Variants in SCGN observed in about 807,000 individuals in gnomAD.
SCGN encodes secretagogin.
Under a neutral mutation model 39.7 loss-of-function variants are expected in SCGN, and 30 were observed. That is an observed-to-expected ratio of 0.76 (90% CI 0.57 to 1.03). The LOEUF (loss-of-function observed/expected upper bound fraction) is 1.03. Among genes scored for constraint, SCGN ranks in the 50% least tolerant of loss-of-function variants. The probability of loss-of-function intolerance (pLI) is 0.00; values close to 1 mark genes in which losing one functional copy is unlikely to be tolerated. For missense variants in SCGN, 353 were observed against 349.4 expected (o/e 1.01, Z -0.08); for synonymous variants, 106 against 114.1 (o/e 0.93, Z 0.45).
chr6:25,666,217 A>G (rs1419303393), intron 4 of SCGN, among the ~76,000 whole-genome samples: 2 of 150,684 alleles, frequency 1.3e-5, no homozygotes, highest in African/African-American at 4.9e-5. Context: ...CTAGCCGGGC[A>G]TGGTGGTGGG....
intron 2 of SCGN, among the ~76,000 whole-genome samples, chr6:25,659,472 G>A (rs758414279): frequency 6.6e-6 from 1 of 152,074 alleles, no homozygotes; most frequent in Non-Finnish European, 1.5e-5. Context: ...CACCCTTCTG[G>A]CCTGTTTTCT....
intron 6 of SCGN, among the ~76,000 whole-genome samples, chr6:25,673,310 C>A (rs190126447): frequency 1.3e-3 from 199 of 152,288 alleles, no homozygotes; most frequent in Middle Eastern, 6.8e-3. Context: ...TTCCCCTCCC[C>A]CTTAAACCAG....
chr6:25,695,439 G>A (rs1348286206), intron 10 of SCGN, among the ~76,000 whole-genome samples: 1 of 151,890 alleles, frequency 6.6e-6, no homozygotes, highest in Non-Finnish European at 1.5e-5. Context: ...TTATGTCAAG[G>A]GCACTTAACA....
chr6:25,680,183 G>A (rs1428486129), intron 6 of SCGN, among the ~76,000 whole-genome samples: 2 of 152,110 alleles, frequency 1.3e-5, no homozygotes, highest in African/African-American at 2.4e-5. Flanking sequence ...AATATGCCAA[G>A]CATTCAAAAT....
At position 25,661,541 on chromosome 6, in the gene SCGN, G is replaced by T; in HGVS notation, c.154-11G>T. 6.2e-7 allele frequency: 1 copy of T among 1,605,308 alleles called. No homozygotes were observed. The highest frequency in any genetic ancestry group is 8.5e-7 in the Non-Finnish European group (1 of 1,172,574). On this transcript the variant is annotated splice_polypyrimidine_tract_variant and intron_variant, in intron 2 of 10. Transcript: ENST00000377961. ...AGTGGCTTTAATGTGGCTCTGTTTG[G>T]TCAATTGCAGGACACGGTCATGAAA...
chr6:25,696,999 G>A (rs1050276033), intron 10 of SCGN, among the ~76,000 whole-genome samples: 1 of 152,172 alleles, frequency 6.6e-6, no homozygotes, highest in African/African-American at 2.4e-5. Flanking sequence ...GGAAACTAGC[G>A]ATGGGAAGAA....
intron 10 of SCGN, among the ~76,000 whole-genome samples, chr6:25,694,197 T>C (rs1759810450): frequency 1.3e-5 from 2 of 152,210 alleles, no homozygotes; most frequent in African/African-American, 2.4e-5. Flanking sequence ...TTTTGCTGGA[T>C]CCCTTCTTAA....
intron 6 of SCGN, among the ~76,000 whole-genome samples, chr6:25,674,835 T>C (rs1411183593): frequency 6.6e-6 from 1 of 152,150 alleles, no homozygotes; most frequent in Non-Finnish European, 1.5e-5. Context: ...TGATACTGAA[T>C]TTAGAGGTGC....
At chr6:25,699,497 GGA>G (rs1353562448) in intron 10 of SCGN, among the ~76,000 whole-genome samples, 2 of 151,208 alleles carry the variant, frequency 1.3e-5, no homozygotes, top group Admixed American at 1.3e-4. Context: ...GGGTGAGGCT[GGA>G]GAGTTGCTTG....
At chr6:25,665,296 TAC>T (rs1760406626) in intron 4 of SCGN, among the ~76,000 whole-genome samples, 1 of 151,932 alleles carries the variant, frequency 6.6e-6, no homozygotes, top group Admixed American at 6.6e-5. Context: ...GCCAGGCAGG[TAC>T]ACTGAAGAAT....
At chr6:25,679,843 C>T (rs1457906329) in intron 6 of SCGN, among the ~76,000 whole-genome samples, 1 of 152,166 alleles carries the variant, frequency 6.6e-6, no homozygotes, top group Non-Finnish European at 1.5e-5. Flanking sequence ...TATCACATCT[C>T]TGGCATAGTC....
At chr6:25,657,205 C>T (rs555018516) in intron 2 of SCGN, among the ~76,000 whole-genome samples, 4 of 152,252 alleles carry the variant, frequency 2.6e-5, no homozygotes, top group South Asian at 2.1e-4. Context: ...AACCTGTTCA[C>T]CTTCCACAGA....
intron 2 of SCGN, among the ~76,000 whole-genome samples, chr6:25,655,665 A>ATT (rs75709648): frequency 1.3e-5 from 2 of 151,652 alleles, no homozygotes; most frequent in South Asian, 2.1e-4. Flanking sequence ...TGAGAATTAT[A>ATT]TTTTTTTGTT....
chr6:25,673,429 C>A (rs1164811831), intron 6 of SCGN, among the ~76,000 whole-genome samples: 1 of 152,170 alleles, frequency 6.6e-6, no homozygotes, highest in Non-Finnish European at 1.5e-5. Flanking sequence ...CCCTTCACAG[C>A]CTTCAGGCTT....
rs9467565 is a variant in SCGN at position 25,689,630 on chromosome 6, A to G, written c.633+98A>G. 6.7e-4 allele frequency: 623 copies of G among 934,080 alleles called. 5 individuals carry two copies. In the African/African-American group the frequency reaches 8.2e-3, roughly 12 times the overall value. 57.9% of individuals were successfully genotyped at this position (934,080 alleles called of 1,614,324 possible). ...CTTACCCAACAGACCCTAAACTTAC[A>G]TGATGAATACCAATCCCATCTGTGT... On this transcript the variant is annotated intron_variant, in intron 9 of 10. Coordinates refer to ENST00000377961, the MANE Select transcript of SCGN (RefSeq NM_006998.4).
chr6:25,669,518 G>T lies in SCGN; in HGVS notation c.344G>T (p.Arg115Leu), dbSNP rs1480236886. ...GACTTTTGTGTATTTCAGATTTGGCGCAAATATGACGCTGACAGCAGTGGC... is the reference window on the plus strand; with the variant it reads ...GACTTTTGTGTATTTCAGATTTGGCTCAAATATGACGCTGACAGCAGTGGC... Reference protein sequence around the residue: ...DSSVEFMQIWRKYDADSSGFI... With the variant: ...DSSVEFMQIWLKYDADSSGFI... The change falls in exon 5 of 11, where the codon CGC (arginine) becomes CTC (leucine). Residue 115 changes from arginine (R) to leucine (L), a missense_variant. Arg to Leu is a moderately radical substitution (Grantham distance 102). Transcript: ENST00000377961. The T allele has an allele frequency of 1.4e-5, 22 of 1,612,784 alleles. No individual in the cohort carries two copies. Among genetic ancestry groups the T allele is most frequent in the Non-Finnish European group, 1.8e-5 (21 of 1,179,080 alleles).
chr6:25,669,008 G>T (rs1759448212), intron 4 of SCGN, among the ~76,000 whole-genome samples: 1 of 151,978 alleles, frequency 6.6e-6, no homozygotes, highest in Non-Finnish European at 1.5e-5. Flanking sequence ...CTATTAGGGA[G>T]GCTGAGGCAG....
intron 10 of SCGN, among the ~76,000 whole-genome samples, chr6:25,695,948 TA>T (rs1759831768): frequency 6.6e-6 from 1 of 152,130 alleles, no homozygotes; most frequent in South Asian, 2.1e-4. Context: ...CAAGAGAAGG[TA>T]GAAATATGAA....
intron 6 of SCGN, among the ~76,000 whole-genome samples, chr6:25,677,532 T>C (rs1759579641): frequency 6.6e-6 from 1 of 152,202 alleles, no homozygotes; most frequent in Admixed American, 6.5e-5. Context: ...TTTAAAGTTT[T>C]TTTAAAAAAA....
Sources: gnomAD v4.1 joint callset for allele counts (sites outside exome capture counted in the v4.1 genomes callset) on GRCh38, gnomAD v4.1.1 for gene constraint, MANE v1.5 for transcripts, NCBI Gene and HGNC (gene_info 2026-07-23, HGNC 2026-07-21) for gene names.